The following PPRC1 variants were observed in gnomAD, a reference collection of about 807,000 sequenced individuals.
The protein encoded by PPRC1 is PPARG related coactivator 1, also known as peroxisome proliferator-activated receptor gamma coactivator-related protein 1.
A neutral mutation model predicts 132.5 loss-of-function variants in PPRC1; 23 were observed. That is an observed-to-expected ratio of 0.17 (90% CI 0.12 to 0.25). PPRC1 has a LOEUF of 0.25. Ranked by LOEUF, PPRC1 falls within the 10% of genes least tolerant of loss-of-function variation. The probability of loss-of-function intolerance (pLI) is 1.00; values close to 1 mark genes in which losing one functional copy is unlikely to be tolerated. For synonymous variants in PPRC1, 872 were observed against 833.5 expected (o/e 1.05, Z -0.80); for missense variants, 2,006 against 2,089.1 (o/e 0.96, Z 0.78).
upstream of PPRC1, among the ~76,000 whole-genome samples, chr10:102,128,836 G>T (rs1003140731): frequency 4.1e-5 from 6 of 148,032 alleles, no homozygotes; most frequent in Admixed American, 3.4e-4. Context: ...GGATGGTCTC[G>T]ATCTCCTGAC....
At chr10:102,131,109 C>A (rs897440782), upstream of PPRC1, among the ~76,000 whole-genome samples, 1 of 150,996 alleles carries the variant, frequency 6.6e-6, no homozygotes. Flanking sequence ...GCAGGAGAAT[C>A]ACTTGAACCT....
At chr10:102,149,429 TGACATACAAA>T in intron 13 of PPRC1, 100 bp downstream of exon 13, 1 of 1,350,866 alleles carries the variant, frequency 7.4e-7, no homozygotes, top group Non-Finnish European at 9.7e-7. Context: ...TACCTTAGTT[TGACATACAAA>T]GAACCCAAGG....
In PPRC1 at chr10:102,149,992, C is replaced by T. The variant is rs1363983054; in HGVS notation, c.4958C>T (p.Thr1653Ile). Residue 1653 changes from threonine (T) to isoleucine (I), a missense_variant, in exon 14 of 14, where the codon ACA (threonine) becomes ATA (isoleucine). This residue lies in a region of PPRC1 where 92 missense variants were observed against 171.9 expected (regional missense o/e 0.54). Coordinates refer to ENST00000278070, the MANE Select transcript of PPRC1 (RefSeq NM_015062.5). ...AAATTTGATTCTCTTGACTTTGACA[C>T]ATTGTTGAAACAGGCCCAGAAGAAC... is the stretch of plus-strand genomic sequence containing the variant. ...KSKFDSLDFD[T>I]LLKQAQKNLR... 1.2e-6 allele frequency: 2 copies of T among 1,613,636 alleles called. No homozygotes were observed. The highest frequency in any genetic ancestry group is 1.7e-5 in the Admixed American group (1 of 60,002).
Position 102,139,526 on chromosome 10 carries a change from C to T in PPRC1, c.1018C>T (p.Pro340Ser), listed in dbSNP as rs1406291778. The part of the protein sequence containing the change: ...LQEQPDDLTL[P>S]EGCVVLEIVG... ...GGAGCAGCCAGATGATTTGACACTG[C>T]CTGAGGGCTGCGTAGTGCTGGAGAT... Residue 340 changes from proline to serine, a missense_variant, in exon 5 of 14, where the codon CCT becomes TCT. Physicochemically the swap from Pro to Ser is moderately conservative, Grantham distance 74. This residue lies in a region of PPRC1 where 1,914 missense variants were observed against 1,917.2 expected (regional missense o/e 1.00). Coordinates refer to ENST00000278070, the MANE Select transcript of PPRC1 (RefSeq NM_015062.5). 1.9e-6 allele frequency: 3 copies of T among 1,613,990 alleles called. No homozygotes were observed. The highest frequency in any genetic ancestry group is 1.7e-5 in the Admixed American group (1 of 60,020).
At chr10:102,125,859 CTTTT>C in the PPRC1 span, among the ~76,000 whole-genome samples, 4 of 148,588 alleles carry the variant, frequency 2.7e-5, no homozygotes, top group Admixed American at 6.7e-5. Context: ...GTCTTTCTTT[CTTTT>C]CTTTTTTTTT....
chr10:102,147,459 G>C lies in PPRC1; in HGVS notation c.4400+67G>C. 2.0e-6 allele frequency: 3 copies of C among 1,499,686 alleles called. No homozygotes were observed. The South Asian group carries it at 3.8e-5, about 19-fold the overall frequency. 92.9% of individuals were successfully genotyped at this position (1,499,686 alleles called of 1,614,324 possible). On this transcript the variant is annotated intron_variant, in intron 9 of 13. Coordinates refer to ENST00000278070, the MANE Select transcript of PPRC1 (RefSeq NM_015062.5). Reference sequence around the variant, plus strand: ...TTCACGTACTTCTGTGGTTTACTTTGAAAGCTTTTACCCGTTGACTTTGGT... The same window carrying C: ...TTCACGTACTTCTGTGGTTTACTTTCAAAGCTTTTACCCGTTGACTTTGGT...
Position 102,133,152 on chromosome 10 carries a change from C to T in PPRC1, c.84C>T (p.Arg28=). The T allele has an allele frequency of 7.9e-7, 1 of 1,260,972 alleles. No homozygotes were observed. Among genetic ancestry groups the T allele is most frequent in the Non-Finnish European group, 1.0e-6 (1 of 996,308 alleles). The allele number at this position is 1,260,972 out of a possible 1,614,324, so 78.1% of individuals were successfully genotyped here. A position where few individuals can be genotyped will look rare whatever the true frequency, so the allele number is the denominator to read the frequency against. Residue 28 remains arginine, a synonymous_variant, in exon 1 of 14, where the codon CGC becomes CGT. Transcript: ENST00000278070. ...GTCCGGACCCTGGCGGGGGAGCCCG[C>T]GGCAGTGGTTGGGGAAGTCGAAGCC... ...GPGPDPGGGA[R]GSGWGSRSQA...
rs1275154359 is a variant in PPRC1, at chr10:102,150,107, G to C, written c.*78G>C. On this transcript the variant is annotated 3_prime_UTR_variant, in exon 14 of 14. Transcript: ENST00000278070. ...TCCACCCCCTTCCCCTACTCTAGGG[G>C]AGAGAGCTGCTAGTGAGATGACTGT... 15 of 1,020,844 alleles carry C rather than the reference G, an allele frequency of 1.5e-5. No individual in the cohort carries two copies. Among genetic ancestry groups the C allele is most frequent in the Non-Finnish European group, 2.3e-5 (15 of 658,064 alleles). 63.2% of individuals were successfully genotyped at this position (1,020,844 alleles called of 1,614,324 possible).
chr10:102,133,618 C>T lies in PPRC1; in HGVS notation c.153+397C>T, dbSNP rs562370266. On this transcript the variant is annotated intron_variant, in intron 1 of 13. Coordinates refer to ENST00000278070, the MANE Select transcript of PPRC1 (RefSeq NM_015062.5). ...TCCCGGGAGAACTTGTCTGCCTCCC[C>T]TCCCCCTCTAGGCGGCCCGGGCATC... 5.3e-5 allele frequency among the ~76,000 whole-genome samples: 8 copies of T among 152,116 alleles called. No homozygotes were observed. In the East Asian group the frequency reaches 1.4e-3, roughly 26 times the overall value.
chr10:102,135,465 A>G (rs545018664), intron 1 of PPRC1, among the ~76,000 whole-genome samples: 191 of 152,236 alleles, frequency 1.3e-3, no homozygotes, highest in African/African-American at 4.4e-3. Context: ...TGCAACCTCC[A>G]TCTCCTGGGT....
Position 102,148,283 on chromosome 10 carries a change from AAAAG to A in PPRC1, c.4401-84_4401-81del. The stretch of plus-strand genomic sequence containing the variant: ...CTTTGTCTTTGGTCCTGAGCTTCCT[AAAAG>A]AAAGGCAGGACTGGGGCCTGGGTGA... On this transcript the variant is annotated intron_variant, in intron 9 of 13. Coordinates refer to ENST00000278070, the MANE Select transcript of PPRC1 (RefSeq NM_015062.5). The surrounding 1 kb of genome is among the most constrained non-coding windows in gnomAD (Gnocchi z 4.2). The A allele has an allele frequency of 6.8e-6, 10 of 1,464,896 alleles. No homozygotes were observed. In the South Asian group the frequency reaches 1.0e-4, roughly 15 times the overall value. 90.7% of individuals were successfully genotyped at this position (1,464,896 alleles called of 1,614,324 possible). A position where few individuals can be genotyped will look rare whatever the true frequency, so the allele number is the denominator to read the frequency against.
chr10:102,131,757 A>C (rs1180455740), upstream of PPRC1, among the ~76,000 whole-genome samples: 1 of 152,232 alleles, frequency 6.6e-6, no homozygotes, highest in Admixed American at 6.5e-5. Context: ...TCCTGGGTTC[A>C]AGCAATCCTC....
intron 8 of PPRC1, among the ~76,000 whole-genome samples, chr10:102,145,881 CAAAAA>C (rs11428087): frequency 6.7e-6 from 1 of 149,978 alleles, no homozygotes; most frequent in East Asian, 2.0e-4. Context: ...AAACAAACAA[CAAAAA>C]AAAACAACCA....
At chr10:102,127,335 C>T in the PPRC1 span, among the ~76,000 whole-genome samples, 1 of 151,948 alleles carries the variant, frequency 6.6e-6, no homozygotes, top group Non-Finnish European at 1.5e-5. Flanking sequence ...GACCACGCCA[C>T]TGCACTCCAG....
At chr10:102,146,220 T>A (rs1399330397) in intron 8 of PPRC1, among the ~76,000 whole-genome samples, 1 of 152,226 alleles carries the variant, frequency 6.6e-6, no homozygotes, top group Non-Finnish European at 1.5e-5. Context: ...GACTTTATCC[T>A]GTGCATTGAA....
rs1389142663 is a variant in PPRC1 at position 102,139,365 on chromosome 10, A to G, written c.857A>G (p.Lys286Arg). The G allele has an allele frequency of 4.3e-6, 7 of 1,614,072 alleles. No individual in the cohort carries two copies. The Admixed American group carries it at 1.0e-4, about 23-fold the overall frequency. ...MHLACPEEEDKATAAEMAVPA... is the reference protein window; with the variant it reads ...MHLACPEEEDRATAAEMAVPA... ...TTGGCCTGCCCTGAGGAGGAAGATA[A>G]AGCAACAGCAGCAGAGATGGCAGTG... Residue 286 changes from lysine to arginine, a missense_variant, in exon 5 of 14, where the codon AAA (lysine) becomes AGA (arginine). Physicochemically the swap from Lys to Arg is conservative, Grantham distance 26 (BLOSUM62 2). This residue lies in a region of PPRC1 where 1,914 missense variants were observed against 1,917.2 expected (regional missense o/e 1.00). Coordinates refer to ENST00000278070, the MANE Select transcript of PPRC1 (RefSeq NM_015062.5).
chr10:102,129,172 C>A (rs1476905695), upstream of PPRC1, among the ~76,000 whole-genome samples: 1 of 152,018 alleles, frequency 6.6e-6, no homozygotes, highest in Non-Finnish European at 1.5e-5. Flanking sequence ...ACCTCGTGAT[C>A]CGCCCGCCTC....
chr10:102,132,836 C>T (rs1454715738), upstream of PPRC1, among the ~76,000 whole-genome samples: 1 of 152,258 alleles, frequency 6.6e-6, no homozygotes, highest in Non-Finnish European at 1.5e-5. Flanking sequence ...AAACTAAGCC[C>T]TACAGGATGC....
chr10:102,133,326 C>T, intron 1 of PPRC1, 105 bp downstream of exon 1: 3 of 1,026,522 alleles, frequency 2.9e-6, no homozygotes, highest in Non-Finnish European at 3.7e-6. Context: ...GAGTCGATGC[C>T]GGGTGGCCGC....
Sources: gnomAD v4.1 joint callset for allele counts (sites outside exome capture counted in the v4.1 genomes callset) on GRCh38, gnomAD v4.1.1 for gene constraint, gnomAD v4.1.1 regional missense constraint, Gnocchi (gnomAD v3.1) non-coding constraint, MANE v1.5 for transcripts, NCBI Gene and HGNC (gene_info 2026-07-23, HGNC 2026-07-21) for gene names.